The following AP3S1 variants were observed in gnomAD, a reference collection of about 807,000 sequenced individuals.
AP3S1 encodes adaptor related protein complex 3 subunit sigma 1, also known as AP-3 complex subunit sigma-1.
AP3S1 carries 12 observed loss-of-function variants against 21.3 expected under a neutral mutation model. That is an observed-to-expected ratio of 0.56 (90% CI 0.36 to 0.91). The LOEUF is 0.91. Among genes scored for constraint, AP3S1 ranks in the 40% least tolerant of loss-of-function variants. The probability of loss-of-function intolerance (pLI) is 0.01; values close to 1 mark genes in which losing one functional copy is unlikely to be tolerated. For synonymous variants in AP3S1, 48 were observed against 78.4 expected (o/e 0.61, Z 2.05); for missense variants, 116 against 225.0 (o/e 0.52, Z 3.10).
intron 3 of AP3S1, among the ~76,000 whole-genome samples, chr5:115,882,123 C>G (rs776612736): frequency 3.3e-5 from 5 of 151,974 alleles, no homozygotes; most frequent in Non-Finnish European, 5.9e-5. Flanking sequence ...AGGCTCTTAG[C>G]TTCCTTGCAT....
At chr5:115,902,017 G>A (rs1221798988) in intron 4 of AP3S1, among the ~76,000 whole-genome samples, 1 of 152,098 alleles carries the variant, frequency 6.6e-6, no homozygotes, top group African/African-American at 2.4e-5. Flanking sequence ...CCTATGAGGT[G>A]CCTATATTAT....
chr5:115,860,127 T>C (rs2112807169), intron 1 of AP3S1, among the ~76,000 whole-genome samples: 1 of 152,342 alleles, frequency 6.6e-6, no homozygotes, highest in Middle Eastern at 3.4e-3. Flanking sequence ...CATTCCTTGC[T>C]CATGGCTTCC....
At chr5:115,856,290 G>A (rs1029177508) in intron 1 of AP3S1, among the ~76,000 whole-genome samples, 29 of 152,050 alleles carry the variant, frequency 1.9e-4, no homozygotes, top group African/African-American at 6.5e-4. Context: ...AAATTTTAAG[G>A]CATTCTTTCC....
intron 2 of AP3S1, among the ~76,000 whole-genome samples, chr5:115,867,182 A>G (rs1432026000): frequency 1.3e-5 from 2 of 152,146 alleles, no homozygotes; most frequent in South Asian, 4.1e-4. Flanking sequence ...CACACTTTGT[A>G]TGCTCATTTG....
Position 115,893,380 on chromosome 5 carries a change from T to C in AP3S1, c.274-1707T>C, listed in dbSNP as rs147768779. On this transcript the variant is annotated intron_variant, in intron 3 of 5. Coordinates refer to ENST00000316788, the MANE Select transcript of AP3S1 (RefSeq NM_001284.4). ...AAAAGGAAATTTTTAGGAAATTTCA[T>C]GAAGTCGTACCCCAGCAGGCATGAA... Among the ~76,000 whole-genome samples, 34 of 152,346 alleles carry C rather than the reference T, an allele frequency of 2.2e-4. No individual in the cohort carries two copies. In the South Asian group the frequency reaches 6.8e-3, roughly 31 times the overall value.
chr5:115,907,024 T>C (rs1751707516), intron 5 of AP3S1: 1 of 972,432 alleles, frequency 1.0e-6, no homozygotes, highest in Non-Finnish European at 1.2e-6. Context: ...AGTTTCTTCA[T>C]CTTTTATTGG....
intron 3 of AP3S1, among the ~76,000 whole-genome samples, chr5:115,884,762 T>G (rs956156102): frequency 2.6e-5 from 4 of 152,242 alleles, no homozygotes; most frequent in Non-Finnish European, 4.4e-5. Context: ...CACATCATAA[T>G]TTCTGTTACT....
chr5:115,886,531 G>T (rs924680166), intron 3 of AP3S1, among the ~76,000 whole-genome samples: 1 of 152,042 alleles, frequency 6.6e-6, no homozygotes, highest in Non-Finnish European at 1.5e-5. Context: ...TCTCTAGCTC[G>T]TTTTATTGTA....
chr5:115,846,289 C>G (rs1762058669), intron 1 of AP3S1, among the ~76,000 whole-genome samples: 1 of 152,186 alleles, frequency 6.6e-6, no homozygotes, highest in Non-Finnish European at 1.5e-5. Context: ...GATGACAGAT[C>G]TGAGCCACCA....
At chr5:115,875,253 A>T (rs1748608722) in intron 3 of AP3S1, among the ~76,000 whole-genome samples, 1 of 152,158 alleles carries the variant, frequency 6.6e-6, no homozygotes, top group African/African-American at 2.4e-5. Context: ...TTTATGTGAT[A>T]AGAAATAGTC....
chr5:115,866,784 A>G (rs374376581), intron 2 of AP3S1, 23 bp downstream of exon 2: 1 of 1,508,022 alleles, frequency 6.6e-7, no homozygotes, highest in Non-Finnish European at 9.1e-7. Flanking sequence ...TTTCATAGAC[A>G]TTTCTAAGTT....
At chr5:115,853,955 G>A (rs918296708) in intron 1 of AP3S1, among the ~76,000 whole-genome samples, 1 of 152,110 alleles carries the variant, frequency 6.6e-6, no homozygotes, top group African/African-American at 2.4e-5. Context: ...GAATACTTGA[G>A]ACTCAGTAAT....
intron 5 of AP3S1, chr5:115,906,779 C>T: frequency 1.4e-6 from 2 of 1,408,314 alleles, no homozygotes; most frequent in Admixed American, 2.6e-5. Context: ...TTTTTCCGAA[C>T]ATCCTGATCT....
intron 3 of AP3S1, among the ~76,000 whole-genome samples, chr5:115,877,093 A>G (rs1748788091): frequency 1.3e-5 from 2 of 152,160 alleles, no homozygotes; most frequent in Admixed American, 1.3e-4. Context: ...AGAATTATTA[A>G]TATTTATGGT....
rs565526683 is a variant in AP3S1 at position 115,842,738 on chromosome 5, G to C, written c.69+632G>C. On this transcript the variant is annotated intron_variant, in intron 1 of 5. Coordinates refer to ENST00000316788, the MANE Select transcript of AP3S1 (RefSeq NM_001284.4). ...GACAGACTGCCCAGTGTGACTTTCA[G>C]GTGTCTCCTTATTGAAAAGGAAGAT... Among the ~76,000 whole-genome samples the C allele has an allele frequency of 6.6e-5, 10 of 152,320 alleles. No individual in the cohort carries two copies. The South Asian group carries it at 1.0e-3, about 16-fold the overall frequency.
chr5:115,856,337 T>A (rs1378691975), intron 1 of AP3S1, among the ~76,000 whole-genome samples: 1 of 152,198 alleles, frequency 6.6e-6, no homozygotes, highest in Non-Finnish European at 1.5e-5. Flanking sequence ...TTAATTGATA[T>A]AATAACTGTG....
At chr5:115,866,357 T>C (rs908119667) in intron 1 of AP3S1, among the ~76,000 whole-genome samples, 3 of 152,242 alleles carry the variant, frequency 2.0e-5, no homozygotes, top group African/African-American at 7.2e-5. Context: ...TAATCAGCTT[T>C]GACTAGTTAA....
chr5:115,892,522 A>C (rs1750396968), intron 3 of AP3S1, among the ~76,000 whole-genome samples: 1 of 152,194 alleles, frequency 6.6e-6, no homozygotes, highest in Non-Finnish European at 1.5e-5. Flanking sequence ...ATAGAACTGG[A>C]GATCTTTATG....
intron 3 of AP3S1, among the ~76,000 whole-genome samples, chr5:115,877,568 T>C (rs569495974): frequency 7.9e-5 from 12 of 152,332 alleles, no homozygotes; most frequent in Middle Eastern, 3.4e-3. Flanking sequence ...CCATGGTGTA[T>C]GTGTGCCACA....
Sources: gnomAD v4.1 joint callset for allele counts (sites outside exome capture counted in the v4.1 genomes callset) on GRCh38, gnomAD v4.1.1 for gene constraint, MANE v1.5 for transcripts, NCBI Gene and HGNC (gene_info 2026-07-23, HGNC 2026-07-21) for gene names.